Variants in PYROXD1 observed in about 807,000 individuals in gnomAD.
PYROXD1 encodes the protein tRNA ligase complex-associated NAD(P)H dehydrogenase PYROXD1.
Under a neutral mutation model 62.0 loss-of-function variants are expected in PYROXD1, and 42 were observed. That is an observed-to-expected ratio of 0.68 (90% CI 0.53 to 0.88). The LOEUF is 0.88. PYROXD1 is among the 40% of genes least tolerant of loss of function. PYROXD1 has a pLI of 0.00. For missense variants in PYROXD1, 493 were observed against 604.8 expected, an observed-to-expected ratio of 0.82 and a Z score of 1.94; for synonymous variants, 170 against 206.4, an observed-to-expected ratio of 0.82 and a Z score of 1.51.
At chr12:21,438,017 G>A (rs1267789113) in intron 1 of PYROXD1, 2 of 588,676 alleles carry the variant, frequency 3.4e-6, no homozygotes, top group East Asian at 5.9e-5. Flanking sequence ...GCGCAGGGAG[G>A]AGTGGGAGGC....
intron 3 of PYROXD1, chr12:21,447,405 G>T (rs1268334512): frequency 1.3e-5 from 2 of 152,068 alleles, no homozygotes; most frequent in African/African-American, 4.8e-5. Flanking sequence ...ATTGAGGTGG[G>T]CTCTCAAAAT....
Position 21,467,508 on chromosome 12 carries a change from A to ATGAGGCTG in PYROXD1, c.1146_1147insAGGCTGTG (p.Gly383ArgfsTer32), listed in dbSNP as rs1942820636. On this transcript the variant is annotated frameshift_variant, in exon 11 of 12. Transcript: ENST00000240651. LOFTEE classifies it high-confidence loss of function. ...GAGGCTGTGGACCCAGGCTAGACAG[A>ATGAGGCTG]TGGGATGGTATGCAGCAAAGTGCAT... is the stretch of plus-strand genomic sequence containing the variant. The ATGAGGCTG allele has an allele frequency of 6.2e-7, 1 of 1,611,120 alleles. No individual in the cohort carries two copies. Among genetic ancestry groups the ATGAGGCTG allele is most frequent in the South Asian group, 1.1e-5 (1 of 90,698 alleles).
chr12:21,453,683 C>T (rs1942544398), intron 5 of PYROXD1, among the ~76,000 whole-genome samples: 1 of 151,930 alleles, frequency 6.6e-6, no homozygotes, highest in Non-Finnish European at 1.5e-5. Flanking sequence ...GAACATAGTT[C>T]AAGTCAGGAA....
intron 3 of PYROXD1, 86 bp from the exon 4 acceptor site, chr12:21,449,477 C>T (rs188819464): frequency 3.0e-6 from 4 of 1,344,688 alleles, no homozygotes; most frequent in South Asian, 1.4e-5. Context: ...TTTGCTTTTG[C>T]CTTATTGAAT....
intron 5 of PYROXD1, among the ~76,000 whole-genome samples, chr12:21,454,599 A>AGATCCTT (rs988840286): frequency 6.6e-6 from 1 of 151,962 alleles, no homozygotes; most frequent in Non-Finnish European, 1.5e-5. Flanking sequence ...CCTTCCTCTA[A>AGATCCTT]GATCCTTGAT....
chr12:21,453,530 CT>C (rs1942540212), intron 5 of PYROXD1, among the ~76,000 whole-genome samples: 1 of 151,994 alleles, frequency 6.6e-6, no homozygotes, highest in Non-Finnish European at 1.5e-5. Flanking sequence ...TAAGTTAATC[CT>C]TTCCTTTTCA....
At chr12:21,449,712 C>T (rs778222494) in intron 4 of PYROXD1, 21 bp downstream of exon 4, 21 of 1,574,892 alleles carry the variant, frequency 1.3e-5, no homozygotes, top group South Asian at 1.1e-4. Context: ...AAGGTTGGAT[C>T]GTGAGAAGGA....
At chr12:21,440,815 T>A (rs1942279928) in intron 2 of PYROXD1, among the ~76,000 whole-genome samples, 1 of 152,160 alleles carries the variant, frequency 6.6e-6, no homozygotes, top group South Asian at 2.1e-4. Flanking sequence ...TATATGACCA[T>A]TTTTTTGTTG....
chr12:21,463,986 G>A (rs1942745644), intron 10 of PYROXD1, among the ~76,000 whole-genome samples: 2 of 152,194 alleles, frequency 1.3e-5, no homozygotes, highest in South Asian at 4.1e-4. Flanking sequence ...AGAGCTAAAA[G>A]TATTTCAAGA....
Position 21,455,077 on chromosome 12 carries a change from G to T in PYROXD1, c.489-55G>T, listed in dbSNP as rs2192182. On this transcript the variant is annotated intron_variant, in intron 5 of 11. Coordinates refer to ENST00000240651, the MANE Select transcript of PYROXD1 (RefSeq NM_024854.5). Reference sequence around the variant, plus strand: ...GGAGATCATTATTTGCAAATGCAAAGATTTTTTACTTAGACTTTTGAAATC... The same window carrying T: ...GGAGATCATTATTTGCAAATGCAAATATTTTTTACTTAGACTTTTGAAATC... 0.48 allele frequency: 542,043 copies of T among 1,130,908 alleles called. 130,232 individuals carry two copies. The highest frequency in any genetic ancestry group is 0.54 in the Middle Eastern group (1,627 of 3,024). The allele number at this position is 1,130,908 out of a possible 1,614,324, so 70.1% of individuals were successfully genotyped here.
At chr12:21,456,448 G>A (rs2417985) in intron 7 of PYROXD1, among the ~76,000 whole-genome samples, 150,115 of 152,312 alleles carry the variant, frequency 0.99, 74,027 homozygotes, top group East Asian at 1. Context: ...CCCAGTGCCT[G>A]CAAAAGTTAT....
At chr12:21,453,566 C>A (rs1445657388) in intron 5 of PYROXD1, among the ~76,000 whole-genome samples, 1 of 152,048 alleles carries the variant, frequency 6.6e-6, no homozygotes, top group Non-Finnish European at 1.5e-5. Flanking sequence ...TTCATAACTT[C>A]ACAAAACCGT....
rs1374966563 is a variant in PYROXD1 at position 21,468,551 on chromosome 12, C to G, written c.1300C>G (p.His434Asp). The G allele has an allele frequency of 1.9e-6, 3 of 1,612,552 alleles. No individual in the cohort carries two copies. Among genetic ancestry groups the G allele is most frequent in the South Asian group, 2.2e-5 (2 of 91,036 alleles). ...KYNAQGLGSDHELMLRCTKGR... is the reference protein window; with the variant it reads ...KYNAQGLGSDDELMLRCTKGR... The stretch of plus-strand genomic sequence containing the variant: ...CAATGCACAGGGCTTAGGTTCAGAT[C>G]ATGAATTAATGCTGAGATGTACCAA... Residue 434 changes from histidine to aspartate, a missense_variant, in exon 12 of 12, where the codon CAT becomes GAT. Physicochemically the swap from His to Asp is moderately conservative, Grantham distance 81 (BLOSUM62 -1). Coordinates refer to ENST00000240651, the MANE Select transcript of PYROXD1 (RefSeq NM_024854.5).
intron 2 of PYROXD1, among the ~76,000 whole-genome samples, chr12:21,442,714 C>T (rs1942318455): frequency 6.6e-6 from 1 of 152,196 alleles, no homozygotes; most frequent in Non-Finnish European, 1.5e-5. Context: ...CGCCATGTCT[C>T]CCACTCTAGG....
At chr12:21,448,182 G>A in intron 3 of PYROXD1, 1 of 647,262 alleles carries the variant, frequency 1.5e-6, no homozygotes, top group South Asian at 1.6e-5. Flanking sequence ...CCTGGCATCA[G>A]GGCCTTCACA....
In PYROXD1 at chr12:21,470,620, G is replaced by C; in HGVS notation, c.*1866G>C. 1 of 352,442 alleles carries C rather than the reference G, an allele frequency of 2.8e-6. No individual in the cohort carries two copies. The highest frequency in any genetic ancestry group is 5.1e-6 in the Non-Finnish European group (1 of 198,014). The allele number at this position is 352,442 out of a possible 1,614,324, so 21.8% of individuals were successfully genotyped here. On this transcript the variant is annotated 3_prime_UTR_variant, in exon 12 of 12. Transcript: ENST00000240651. Reference sequence around the variant, plus strand: ...TGCTTTTGCAGACTTGATAGTATTTGGTTTAAAACAGTGGTTTCTAACCAC... The same window carrying C: ...TGCTTTTGCAGACTTGATAGTATTTCGTTTAAAACAGTGGTTTCTAACCAC...
rs187160234 is a variant in PYROXD1, at chr12:21,450,819, C to G, written c.414+1128C>G. On this transcript the variant is annotated intron_variant, in intron 4 of 11. Coordinates refer to ENST00000240651, the MANE Select transcript of PYROXD1 (RefSeq NM_024854.5). The stretch of plus-strand genomic sequence containing the variant: ...GATTGAGCTCATAACTGTTTTAGCT[C>G]GGTCCTCTACATACATGAACTCATT... Among the ~76,000 whole-genome samples, 24 of 152,260 alleles carry G rather than the reference C, an allele frequency of 1.6e-4. No individual in the cohort carries two copies. The East Asian group carries it at 4.6e-3, about 29-fold the overall frequency.
At chr12:21,459,731 G>T (rs1470071989) in intron 7 of PYROXD1, among the ~76,000 whole-genome samples, 2 of 152,174 alleles carry the variant, frequency 1.3e-5, no homozygotes, top group African/African-American at 4.8e-5. Flanking sequence ...AGAATTAATT[G>T]CTTGCTTAGT....
chr12:21,467,156 T>G (rs1942810351), intron 10 of PYROXD1: 1 of 185,514 alleles, frequency 5.4e-6, no homozygotes, highest in Non-Finnish European at 1.1e-5. Flanking sequence ...TTAATGGTGA[T>G]GACAAATTTT....
Sources: gnomAD v4.1 joint callset for allele counts (sites outside exome capture counted in the v4.1 genomes callset) on GRCh38, gnomAD v4.1.1 for gene constraint, MANE v1.5 for transcripts, NCBI Gene and HGNC (gene_info 2026-07-23, HGNC 2026-07-21) for gene names.